RBPMS: variants seen among roughly 807,000 people sequenced by gnomAD.
RBPMS encodes RNA-binding protein with multiple splicing.
Under a neutral mutation model 26.8 loss-of-function variants are expected in RBPMS, and 7 were observed. That is an observed-to-expected ratio of 0.26 (90% confidence interval 0.15 to 0.49). The LOEUF is 0.49. RBPMS is among the 20% of genes least tolerant of loss of function. RBPMS has a pLI of 0.98. For synonymous variants in RBPMS, 96 were observed against 93.3 expected, an observed-to-expected ratio of 1.03 and a Z score of -0.17; for missense variants, 186 against 250.0, an observed-to-expected ratio of 0.74 and a Z score of 1.73.
chr8:30,445,888 C>T (rs1001770628), intron 1 of RBPMS, among the ~76,000 whole-genome samples: 1 of 151,944 alleles, frequency 6.6e-6, no homozygotes, highest in African/African-American at 2.4e-5. Flanking sequence ...TGTTCTGGAA[C>T]TCCTGGACTC....
intron 1 of RBPMS, among the ~76,000 whole-genome samples, chr8:30,440,019 A>G (rs887812997): frequency 4.6e-5 from 7 of 152,332 alleles, no homozygotes; most frequent in South Asian, 2.1e-4. Context: ...TCTACAATCA[A>G]TCAGTCAGTC....
At chr8:30,495,871 T>G (rs1352064182) in intron 4 of RBPMS, among the ~76,000 whole-genome samples, 1 of 152,220 alleles carries the variant, frequency 6.6e-6, no homozygotes, top group Non-Finnish European at 1.5e-5. Flanking sequence ...AACAATGTAG[T>G]CTTTATAAAA....
At chr8:30,446,584 A>T (rs1585491309) in intron 1 of RBPMS, among the ~76,000 whole-genome samples, 1 of 152,212 alleles carries the variant, frequency 6.6e-6, no homozygotes, top group Non-Finnish European at 1.5e-5. Flanking sequence ...GCTTAACCAT[A>T]ATAGGCATTT....
At chr8:30,431,679 G>T (rs531729284) in intron 1 of RBPMS, among the ~76,000 whole-genome samples, 49 of 152,206 alleles carry the variant, frequency 3.2e-4, no homozygotes, top group African/African-American at 1.1e-3. Flanking sequence ...TCGAACTCCA[G>T]ACCTCAGGTG....
At position 30,506,336 on chromosome 8, in the gene RBPMS, TAAAAAAAAA is replaced by T. The variant is rs34344286; in HGVS notation, c.397+1914_397+1922del. On this transcript the variant is annotated intron_variant, in intron 5 of 8. Coordinates refer to ENST00000397323, the MANE Select transcript of RBPMS (RefSeq NM_001008710.3). ...TTCACAGCAACACAAATTTGAAGTTTAAAAAAAAAAAAAAAAAAAAAATCCAAGCAGCCA... is the reference window on the plus strand; with the variant it reads ...TTCACAGCAACACAAATTTGAAGTTTAAAAAAAAAAAAATCCAAGCAGCCA... Among the ~76,000 whole-genome samples, 83 of 132,118 alleles carry T rather than the reference TAAAAAAAAA, an allele frequency of 6.3e-4. No homozygotes were observed. The East Asian group carries it at 0.017, about 27-fold the overall frequency. The allele number at this position is 132,118 out of a possible 152,430, so 86.7% of individuals were successfully genotyped here.
chr8:30,411,665 A>AG (rs1809421703), intron 1 of RBPMS, among the ~76,000 whole-genome samples: 3 of 98,578 alleles, frequency 3.0e-5, no homozygotes, highest in Admixed American at 1.1e-4. Flanking sequence ...CCTGTCTCAG[A>AG]AAAAAAAAAA....
intron 1 of RBPMS, among the ~76,000 whole-genome samples, chr8:30,413,813 A>C (rs1363345540): frequency 6.6e-6 from 1 of 151,916 alleles, no homozygotes; most frequent in Non-Finnish European, 1.5e-5. Context: ...GGGTTTCATC[A>C]TGTTGGCCAG....
At chr8:30,494,062 A>G (rs1275432976) in intron 4 of RBPMS, among the ~76,000 whole-genome samples, 1 of 152,208 alleles carries the variant, frequency 6.6e-6, no homozygotes, top group Non-Finnish European at 1.5e-5. Flanking sequence ...GGTTCCTCCT[A>G]CAAAGGGAAT....
chr8:30,512,493 T>C (rs916758500), intron 5 of RBPMS, among the ~76,000 whole-genome samples: 6 of 152,186 alleles, frequency 3.9e-5, no homozygotes, highest in African/African-American at 1.2e-4. Context: ...CTGTTGTTGT[T>C]TTTTGAGGTT....
chr8:30,511,482 AAAAAATAT>A (rs1483380632), intron 5 of RBPMS, among the ~76,000 whole-genome samples: 169 of 6,636 alleles, frequency 0.025, 1 homozygote, highest in South Asian at 0.12. Context: ...AAAAAAAAAA[AAAAAATAT>A]ATATATATAT....
chr8:30,526,830 G>A (rs1378620656), intron 5 of RBPMS, among the ~76,000 whole-genome samples: 3 of 152,152 alleles, frequency 2.0e-5, no homozygotes, highest in Non-Finnish European at 4.4e-5. Context: ...GGTATTGGGA[G>A]GTATTGCAGA....
At chr8:30,567,714 G>A (rs1217545298) in intron 8 of RBPMS, among the ~76,000 whole-genome samples, 2 of 152,232 alleles carry the variant, frequency 1.3e-5, no homozygotes, top group African/African-American at 4.8e-5. Flanking sequence ...CCACGGAAGG[G>A]CCTAGTGGCA....
At chr8:30,519,476 T>C (rs1265693054) in intron 5 of RBPMS, among the ~76,000 whole-genome samples, 395 of 23,530 alleles carry the variant, frequency 0.017, 23 homozygotes, top group African/African-American at 0.052. Flanking sequence ...TTTTTTTTTT[T>C]TTTTTTTTTT....
chr8:30,475,695 C>T (rs906756553), intron 2 of RBPMS, among the ~76,000 whole-genome samples: 2 of 152,176 alleles, frequency 1.3e-5, no homozygotes, highest in South Asian at 2.1e-4. Context: ...CTTAGGAAGA[C>T]GGAATTGGAT....
At chr8:30,509,872 C>T (rs773384191) in intron 5 of RBPMS, among the ~76,000 whole-genome samples, 13 of 152,144 alleles carry the variant, frequency 8.5e-5, no homozygotes, top group Non-Finnish European at 1.5e-4. Context: ...GAAAAATTTT[C>T]AGGCAGTCCA....
chr8:30,514,994 T>C lies in RBPMS; in HGVS notation c.397+10558T>C, dbSNP rs372744932. ...ATGGATTTTTAAAAATCTTTTTTAG[T>C]TTTTACTTTTTATTAGAGACCATGT... On this transcript the variant is annotated intron_variant, in intron 5 of 8. Transcript: ENST00000397323. Among the ~76,000 whole-genome samples the C allele has an allele frequency of 4.6e-5, 7 of 152,168 alleles. 1 individual carries two copies. Among genetic ancestry groups the C allele is most frequent in the Admixed American group, 2.0e-4 (3 of 15,288 alleles).
At chr8:30,387,554 G>A (rs1807255803) in intron 1 of RBPMS, among the ~76,000 whole-genome samples, 1 of 152,056 alleles carries the variant, frequency 6.6e-6, no homozygotes, top group African/African-American at 2.4e-5. Context: ...AAACCTTGGC[G>A]GTGGACTCCA....
At chr8:30,454,647 T>C (rs1814990282) in intron 1 of RBPMS, among the ~76,000 whole-genome samples, 1 of 152,214 alleles carries the variant, frequency 6.6e-6, no homozygotes. Flanking sequence ...TGTGTTGGCC[T>C]CTAATTTAGT....
chr8:30,412,493 T>TC (rs1179676263), intron 1 of RBPMS, among the ~76,000 whole-genome samples: 2 of 152,016 alleles, frequency 1.3e-5, no homozygotes, highest in African/African-American at 4.8e-5. Context: ...GCACGTACTT[T>TC]CCCCCCAACT....
Sources: gnomAD v4.1 joint callset for allele counts (sites outside exome capture counted in the v4.1 genomes callset) on GRCh38, gnomAD v4.1.1 for gene constraint, MANE v1.5 for transcripts, NCBI Gene and HGNC (gene_info 2026-07-23, HGNC 2026-07-21) for gene names.